The following ZNF91 variants were observed in gnomAD, a reference collection of about 807,000 sequenced individuals.
ZNF91 encodes zinc finger protein 91.
Under a neutral mutation model 12.6 loss-of-function variants are expected in ZNF91, and 7 were observed. That is an observed-to-expected ratio of 0.55 (90% CI 0.31 to 1.04). ZNF91 has a LOEUF of 1.04. Among genes scored for constraint, ZNF91 ranks in the 50% least tolerant of loss-of-function variants. The pLI, the probability that ZNF91 is intolerant of heterozygous loss-of-function variation, is 0.05. For synonymous variants in ZNF91, 453 were observed against 462.6 expected (o/e 0.98, Z 0.27); for missense variants, 1,217 against 1,385.4 (o/e 0.88, Z 1.93).
At chr19:23,344,868 A>G (rs893877401) in intron 3 of ZNF91, among the ~76,000 whole-genome samples, 2 of 152,208 alleles carry the variant, frequency 1.3e-5, no homozygotes, top group African/African-American at 4.8e-5. Flanking sequence ...AGGAAGACAC[A>G]TACCCCCTGA....
chr19:23,337,038 T>C (rs903338877), downstream of ZNF91, among the ~76,000 whole-genome samples: 2 of 152,204 alleles, frequency 1.3e-5, no homozygotes, highest in African/African-American at 4.8e-5. Flanking sequence ...GTTACATGCA[T>C]AGATTGCATA....
intron 1 of ZNF91, among the ~76,000 whole-genome samples, chr19:23,323,251 TCTC>T (rs975631443): frequency 2.7e-5 from 4 of 147,114 alleles, no homozygotes; most frequent in Non-Finnish European, 6.0e-5. Context: ...TCCTTTCTCC[TCTC>T]CTCCTGTTCC....
At chr19:23,392,938 G>A (rs1970113671) in intron 1 of ZNF91, among the ~76,000 whole-genome samples, 1 of 152,118 alleles carries the variant, frequency 6.6e-6, no homozygotes, top group African/African-American at 2.4e-5. Flanking sequence ...TCACTTAAGT[G>A]CTCAATAACC....
At chr19:23,351,657 T>G (rs1968370426) in intron 3 of ZNF91, among the ~76,000 whole-genome samples, 1 of 152,210 alleles carries the variant, frequency 6.6e-6, no homozygotes, top group Non-Finnish European at 1.5e-5. Flanking sequence ...TTTTCTCTCT[T>G]CTCTAATTCT....
chr19:23,314,197 T>C (rs183403411), upstream of ZNF91, among the ~76,000 whole-genome samples: 16 of 152,324 alleles, frequency 1.1e-4, no homozygotes, highest in Admixed American at 9.8e-4. Flanking sequence ...GTGAGTCTCC[T>C]GCCTAGATTC....
chr19:23,369,585 G>A (rs1255867253), intron 3 of ZNF91, among the ~76,000 whole-genome samples: 1 of 152,176 alleles, frequency 6.6e-6, no homozygotes, highest in African/African-American at 2.4e-5. Flanking sequence ...GTGGGGAAAA[G>A]ATAGAGAAAT....
upstream of ZNF91, among the ~76,000 whole-genome samples, chr19:23,310,930 T>A (rs1247931388): frequency 7.2e-5 from 11 of 152,226 alleles, no homozygotes; most frequent in African/African-American, 2.6e-4. Flanking sequence ...CCAAGGTGAG[T>A]TGAGTTTCTT....
intron 3 of ZNF91, among the ~76,000 whole-genome samples, chr19:23,369,770 G>A (rs11879939): frequency 0.53 from 79,740 of 150,048 alleles, 21,934 homozygotes; most frequent in Middle Eastern, 0.67. Context: ...TAAGGGCGGT[G>A]CAAGATGTGC....
chr19:23,336,539 T>C (rs891558096), downstream of ZNF91, among the ~76,000 whole-genome samples: 2 of 152,244 alleles, frequency 1.3e-5, no homozygotes, highest in African/African-American at 2.4e-5. Flanking sequence ...AAAGGGAAGA[T>C]GGAGCCACCA....
upstream of ZNF91, among the ~76,000 whole-genome samples, chr19:23,314,666 C>A (rs1442301103): frequency 1.3e-5 from 2 of 152,048 alleles, no homozygotes; most frequent in African/African-American, 4.8e-5. Context: ...CTGAGGCTTA[C>A]CCACAGAAGG....
In ZNF91 at chr19:23,361,259, A is replaced by G. The variant is rs372195082; in HGVS notation, c.1720T>C (p.Tyr574His). 7 of 1,613,502 alleles carry G rather than the reference A, an allele frequency of 4.3e-6. No homozygotes were observed. Among genetic ancestry groups the G allele is most frequent in the East Asian group, 4.5e-5 (2 of 44,852 alleles). Residue 574 changes from tyrosine (Y) to histidine (H), a missense_variant, in exon 4 of 4, where the codon TAC (tyrosine) becomes CAC (histidine). Coordinates refer to ENST00000300619, the MANE Select transcript of ZNF91 (RefSeq NM_003430.4). ...GCTTTGCCACATTCTTCACATTTGT[A>G]GAGTTTCTTTCCAGCATGAATTATT... The part of the protein sequence containing the change: ...HKIIHAGKKL[Y>H]KCEECGKAFN...
At chr19:23,394,741 A>G (rs1970176345) in intron 1 of ZNF91, among the ~76,000 whole-genome samples, 1 of 152,154 alleles carries the variant, frequency 6.6e-6, no homozygotes, top group Non-Finnish European at 1.5e-5. Flanking sequence ...AAACAAAACA[A>G]AACAAAACCT....
rs148433148 is a variant in ZNF91, at chr19:23,371,262, C to T, written c.253+2480G>A. Among the ~76,000 whole-genome samples the T allele has an allele frequency of 3.1e-3, 478 of 152,194 alleles. 3 individuals carry two copies. The highest frequency in any genetic ancestry group is 0.011 in the African/African-American group (457 of 41,540). On this transcript the variant is annotated intron_variant, in intron 3 of 3. Transcript: ENST00000300619. ...ATTAGAGGCTGAGGCAAGAGAATCG[C>T]TTGAATCTGGGAGGTGGAGGTTGCA...
At chr19:23,388,537 C>T (rs572444216) in intron 1 of ZNF91, among the ~76,000 whole-genome samples, 1 of 151,998 alleles carries the variant, frequency 6.6e-6, no homozygotes, top group Non-Finnish European at 1.5e-5. Context: ...AAGATTATGC[C>T]CTTTATAGCA....
chr19:23,368,560 C>CTA lies in ZNF91; in HGVS notation c.253+5181_253+5182insTA, dbSNP rs1369086504. Among the ~76,000 whole-genome samples, 1,115 of 117,130 alleles carry CTA rather than the reference C, an allele frequency of 9.5e-3. 5 individuals carry two copies. The highest frequency in any genetic ancestry group is 0.013 in the Non-Finnish European group (760 of 58,810). 76.8% of individuals were successfully genotyped at this position (117,130 alleles called of 152,430 possible). A position where few individuals can be genotyped will look rare whatever the true frequency, so the allele number is the denominator to read the frequency against. ...TCTCTCTCTCTCTCTCTCTCTCTCTCTCTATATATATATGAAACACATGAC... is the reference window on the plus strand; with the variant it reads ...TCTCTCTCTCTCTCTCTCTCTCTCTCTATCTATATATATATGAAACACATGAC... On this transcript the variant is annotated intron_variant, in intron 3 of 3. Transcript: ENST00000300619.
chr19:23,334,130 G>A (rs1227927095), downstream of ZNF91, among the ~76,000 whole-genome samples: 2 of 152,022 alleles, frequency 1.3e-5, no homozygotes, highest in African/African-American at 4.8e-5. Context: ...AAGAAGAAAT[G>A]TAAATTTAGG....
chr19:23,333,819 G>A (rs1418970701), downstream of ZNF91, among the ~76,000 whole-genome samples: 1 of 152,150 alleles, frequency 6.6e-6, no homozygotes, highest in Non-Finnish European at 1.5e-5. Flanking sequence ...GAGAGTTTCA[G>A]CAAAGCAATA....
At position 23,362,117 on chromosome 19, in the gene ZNF91, G is replaced by A; in HGVS notation, c.862C>T (p.His288Tyr). Residue 288 changes from histidine to tyrosine, a missense_variant, in exon 4 of 4, where the codon CAC (histidine) becomes TAC (tyrosine). Around this residue, in one of 2 missense-constraint regions of ZNF91, gnomAD observed 726 missense variants for 895.5 expected, o/e 0.81. Transcript: ENST00000300619. ...SSTLTRHKRI[H>Y]TGEKPYKCEE... ...CATTTGTAGGGTTTCTCTCCAGTGT[G>A]TATCCTCTTATGTCTAGTTAGGGTT... 6.2e-7 allele frequency: 1 copy of A among 1,614,026 alleles called. No individual in the cohort carries two copies. The highest frequency in any genetic ancestry group is 1.7e-5 in the Admixed American group (1 of 59,992).
At chr19:23,329,180 C>T (rs554524232) in intron 1 of ZNF91, 1 of 152,186 alleles carries the variant, frequency 6.6e-6, no homozygotes, top group South Asian at 2.1e-4. Context: ...TTGTAGATGA[C>T]CTGAGCTTTT....
Sources: gnomAD v4.1 joint callset for allele counts (sites outside exome capture counted in the v4.1 genomes callset) on GRCh38, gnomAD v4.1.1 for gene constraint, gnomAD v4.1.1 regional missense constraint, MANE v1.5 for transcripts, NCBI Gene and HGNC (gene_info 2026-07-23, HGNC 2026-07-21) for gene names.